The following ABCD3 variants were observed in gnomAD, a reference collection of about 807,000 sequenced individuals.
ABCD3 encodes the protein ATP binding cassette subfamily D member 3.
In ABCD3, 41 loss-of-function variants were observed where a neutral mutation model predicts 105.5. The observed-to-expected ratio is 0.39, with a 90% CI of 0.30 to 0.50. The LOEUF is 0.50. ABCD3 is among the 20% of genes least tolerant of loss of function. The pLI, the probability that ABCD3 is intolerant of heterozygous loss-of-function variation, is 0.84. For synonymous variants in ABCD3, 258 were observed against 269.0 expected, an observed-to-expected ratio of 0.96 and a Z score of 0.40; for missense variants, 622 against 806.3, an observed-to-expected ratio of 0.77 and a Z score of 2.77.
At chr1:94,468,118 C>A in intron 4 of ABCD3, 111 bp downstream of exon 4, 2 of 827,822 alleles carry the variant, frequency 2.4e-6, no homozygotes, top group Non-Finnish European at 4.0e-6. Flanking sequence ...AAAGATAACC[C>A]AAGTCAAATT....
intron 2 of ABCD3, among the ~76,000 whole-genome samples, chr1:94,461,726 C>T (rs372054841): frequency 6.8e-4 from 104 of 152,136 alleles, no homozygotes; most frequent in African/African-American, 2.0e-3. Flanking sequence ...TGGTGTACAT[C>T]AGGTTGTTTT....
intron 1 of ABCD3, among the ~76,000 whole-genome samples, chr1:94,454,628 C>G (rs1158758638): frequency 6.6e-6 from 1 of 152,090 alleles, no homozygotes; most frequent in Non-Finnish European, 1.5e-5. Flanking sequence ...ATGCATTACT[C>G]AGGGTCTAAA....
intron 16 of ABCD3, among the ~76,000 whole-genome samples, chr1:94,495,782 CG>C (rs1649770128): frequency 6.6e-6 from 1 of 152,090 alleles, no homozygotes; most frequent in Non-Finnish European, 1.5e-5. Context: ...TCAAATAAAA[CG>C]TAGCAGGGAA....
chr1:94,456,008 C>G (rs369615171), intron 1 of ABCD3, among the ~76,000 whole-genome samples: 1 of 152,180 alleles, frequency 6.6e-6, no homozygotes, highest in African/African-American at 2.4e-5. Context: ...AGTCACCATC[C>G]TGTACATTAG....
the ABCD3 span, among the ~76,000 whole-genome samples, chr1:94,389,632 C>G: frequency 0.66 from 100,555 of 151,988 alleles, 33,548 homozygotes; most frequent in Middle Eastern, 0.82. Flanking sequence ...ATCTCTGTTC[C>G]GGCCTCTCAG....
chr1:94,472,130 G>A lies in ABCD3; in HGVS notation c.336-1636G>A, dbSNP rs560766872. On this transcript the variant is annotated intron_variant, in intron 4 of 22. Transcript: ENST00000370214. ...AAACATTTGGAAGTTGTAGTGATTA[G>A]GGCTATTGTAAAATTGTTTTTTGTT... 40 of 621,364 alleles carry A rather than the reference G, an allele frequency of 6.4e-5. 1 individual carries two copies. The Admixed American group carries it at 2.3e-3, about 35-fold the overall frequency. The allele number at this position is 621,364 out of a possible 1,614,324, so 38.5% of individuals were successfully genotyped here. A position where few individuals can be genotyped will look rare whatever the true frequency, so the allele number is the denominator to read the frequency against.
chr1:94,405,990 A>T, the ABCD3 span, among the ~76,000 whole-genome samples: 1 of 150,238 alleles, frequency 6.7e-6, no homozygotes, highest in East Asian at 1.9e-4. Flanking sequence ...GTAACAGAAA[A>T]CCTTTTCTGA....
intron 10 of ABCD3, among the ~76,000 whole-genome samples, chr1:94,484,474 A>T (rs911986309): frequency 6.6e-6 from 1 of 152,238 alleles, no homozygotes; most frequent in East Asian, 1.9e-4. Flanking sequence ...TTATGAGTTC[A>T]TGTCCTTTGT....
At chr1:94,440,992 A>G in intron 1 of ABCD3, among the ~76,000 whole-genome samples, 1 of 152,274 alleles carries the variant, frequency 6.6e-6, no homozygotes, top group East Asian at 1.9e-4. Context: ...ATGTAAGGAT[A>G]AATCCATTAA....
At chr1:94,463,642 C>T (rs1018870325) in intron 2 of ABCD3, among the ~76,000 whole-genome samples, 3 of 152,034 alleles carry the variant, frequency 2.0e-5, no homozygotes, top group Non-Finnish European at 2.9e-5. Context: ...AAGAAGTTTC[C>T]CCTGTCCTTC....
intron 2 of ABCD3, among the ~76,000 whole-genome samples, chr1:94,461,616 CCTGCTCTTTCATATT>C (rs1647873719): frequency 6.6e-6 from 1 of 151,980 alleles, no homozygotes; most frequent in African/African-American, 2.4e-5. Context: ...AAGCTGTAGA[CCTGCTCTTTCATATT>C]CTGTTTCTGT....
chr1:94,440,034 A>G (rs996041895), intron 1 of ABCD3, among the ~76,000 whole-genome samples: 25 of 152,300 alleles, frequency 1.6e-4, no homozygotes, highest in African/African-American at 6.0e-4. Context: ...GTGCCTGGCT[A>G]GCATTGCTTC....
the ABCD3 span, among the ~76,000 whole-genome samples, chr1:94,410,968 G>A: frequency 1.3e-5 from 2 of 152,120 alleles, no homozygotes; most frequent in Non-Finnish European, 2.9e-5. Context: ...CACACAATAT[G>A]CAAAAATTGA....
intron 1 of ABCD3, among the ~76,000 whole-genome samples, chr1:94,455,433 C>G (rs1317011997): frequency 6.6e-6 from 1 of 151,266 alleles, no homozygotes; most frequent in African/African-American, 2.4e-5. Context: ...TCAAGTGATT[C>G]TTCTGCCTCA....
intron 4 of ABCD3, chr1:94,472,159 T>A: frequency 1.1e-6 from 1 of 916,202 alleles, no homozygotes; most frequent in Non-Finnish European, 1.3e-6. Context: ...TTTTGTTAAT[T>A]ATTTTTTTTG....
intron 1 of ABCD3, among the ~76,000 whole-genome samples, chr1:94,435,023 T>G (rs1659847230): frequency 6.6e-6 from 1 of 152,252 alleles, no homozygotes; most frequent in South Asian, 2.1e-4. Context: ...CCCTGCCACC[T>G]CCCTTTCCCT....
At chr1:94,405,699 CCAA>C in the ABCD3 span, among the ~76,000 whole-genome samples, 1 of 152,138 alleles carries the variant, frequency 6.6e-6, no homozygotes, top group South Asian at 2.1e-4. Context: ...TGAACATCTT[CCAA>C]CGTGTTTAAA....
At chr1:94,480,689 G>C in intron 9 of ABCD3, 83 bp downstream of exon 9, 3 of 1,425,454 alleles carry the variant, frequency 2.1e-6, no homozygotes, top group Non-Finnish European at 3.0e-6. Context: ...AAAAAGTCTA[G>C]TGACACTGTT....
intron 21 of ABCD3, 48 bp from the exon 22 acceptor site, chr1:94,515,098 T>C (rs889871500): frequency 7.0e-7 from 1 of 1,436,064 alleles, no homozygotes; most frequent in East Asian, 2.3e-5. Flanking sequence ...ACTAGTTTAA[T>C]TTGTGACTCT....
Sources: gnomAD v4.1 joint callset for allele counts (sites outside exome capture counted in the v4.1 genomes callset) on GRCh38, gnomAD v4.1.1 for gene constraint, MANE v1.5 for transcripts, NCBI Gene and HGNC (gene_info 2026-07-23, HGNC 2026-07-21) for gene names.